SLC9A3: variants seen among roughly 807,000 people sequenced by gnomAD.
The protein encoded by SLC9A3 is sodium/hydrogen exchanger 3.
In SLC9A3, 37 loss-of-function variants were observed where a neutral mutation model predicts 86.8. The ratio of observed to expected loss-of-function variants is 0.43; its 90% confidence interval spans 0.33 to 0.56. The LOEUF (loss-of-function observed/expected upper bound fraction) is 0.56. SLC9A3 is among the 20% of genes least tolerant of loss of function. The probability of loss-of-function intolerance (pLI) is 0.06; values close to 1 mark genes in which losing one functional copy is unlikely to be tolerated. For synonymous variants in SLC9A3, 581 were observed against 528.3 expected (o/e 1.10, Z -1.37); for missense variants, 1,011 against 1,171.9 (o/e 0.86, Z 2.00).
At chr5:488,594 C>T (rs574919778) in intron 2 of SLC9A3, 118 bp from the exon 3 acceptor site, 11 of 1,057,400 alleles carry the variant, frequency 1.0e-5, no homozygotes, top group East Asian at 2.8e-5. Context: ...GCGCCGGTGG[C>T]GTGGGGAGCT....
intron 5 of SLC9A3, among the ~76,000 whole-genome samples, chr5:484,049 TG>T (rs1270190924): frequency 6.6e-6 from 1 of 152,156 alleles, no homozygotes. Flanking sequence ...TCCATGCGGC[TG>T]GCACCTCCCT....
intron 1 of SLC9A3, among the ~76,000 whole-genome samples, chr5:515,837 TCACA>T (rs540468401): frequency 2.3e-4 from 1 of 4,444 alleles, no homozygotes; most frequent in East Asian, 7.1e-3. Flanking sequence ...CCCCTGCCCC[TCACA>T]CACACACACT....
At position 477,370 on chromosome 5, in the gene SLC9A3, T is replaced by C. The variant is rs781020472; in HGVS notation, c.1722A>G (p.Pro574=). The C allele has an allele frequency of 1.2e-6, 2 of 1,612,880 alleles. No individual in the cohort carries two copies. The highest frequency in any genetic ancestry group is 1.7e-6 in the Non-Finnish European group (2 of 1,179,558). The part of the protein sequence containing the change: ...TDNVVNVDFT[P]RSSTVEASVS... Reference sequence around the variant, plus strand: ...CAGAGGCCTCCACGGTGGACGATCGTGGCGTGAAGTCCACGTTGACCACGT... The same window carrying C: ...CAGAGGCCTCCACGGTGGACGATCGCGGCGTGAAGTCCACGTTGACCACGT... The change falls in exon 11 of 17, where the codon CCA becomes CCG. Residue 574 remains proline (P), a synonymous_variant. Transcript: ENST00000264938.
chr5:515,262 C>A (rs890662741), intron 1 of SLC9A3, among the ~76,000 whole-genome samples: 8 of 152,234 alleles, frequency 5.3e-5, no homozygotes, highest in Middle Eastern at 3.4e-3. Flanking sequence ...CAGGATGTGC[C>A]GCTCCCCATT....
At chr5:516,281 C>T (rs981035120) in intron 1 of SLC9A3, among the ~76,000 whole-genome samples, 5 of 151,626 alleles carry the variant, frequency 3.3e-5, no homozygotes, top group African/African-American at 9.7e-5. Flanking sequence ...GCCTACAGGG[C>T]GTGATGGGCA....
At chr5:521,729 G>A (rs1471887263) in intron 1 of SLC9A3, among the ~76,000 whole-genome samples, 1 of 152,228 alleles carries the variant, frequency 6.6e-6, no homozygotes, top group Non-Finnish European at 1.5e-5. Context: ...TGTGGTGCAG[G>A]CTTGGGCCCC....
rs1410511710 is a variant in SLC9A3 at position 524,156 on chromosome 5, T to C, written c.167A>G (p.Tyr56Cys). 1.3e-6 allele frequency: 2 copies of C among 1,545,512 alleles called. No homozygotes were observed. Among genetic ancestry groups the C allele is most frequent in the Admixed American group, 1.9e-5 (1 of 51,506 alleles). Residue 56 changes from tyrosine to cysteine, a missense_variant, in exon 1 of 17, where the codon TAC becomes TGC. Tyr to Cys is a radical substitution (Grantham distance 194). This residue lies in a region of SLC9A3 where 565 missense variants were observed against 790.0 expected (regional missense o/e 0.72). Coordinates refer to ENST00000264938, the MANE Select transcript of SLC9A3 (RefSeq NM_004174.4). The part of the protein sequence containing the change: ...TFEWAHVQDP[Y>C]VIALWILVAS... ...CACGAGGATCCAGAGCGCGATGACG[T>C]AGGGATCCTGCACGTGGGCCCACTC...
intron 1 of SLC9A3, among the ~76,000 whole-genome samples, chr5:511,216 A>C (rs1008762560): frequency 1.3e-5 from 2 of 152,330 alleles, no homozygotes; most frequent in African/African-American, 4.8e-5. Context: ...CTAAATGTAA[A>C]AGACAGAACT....
chr5:523,525 G>A (rs1733944805), intron 1 of SLC9A3, among the ~76,000 whole-genome samples: 1 of 151,618 alleles, frequency 6.6e-6, no homozygotes, highest in African/African-American at 2.4e-5. Context: ...CACCTTGCCA[G>A]GAGCTACCTG....
rs909943455 is a variant in SLC9A3, at chr5:491,185, T to C, written c.514+584A>G. Among the ~76,000 whole-genome samples the C allele has an allele frequency of 6.6e-6, 1 of 152,276 alleles. No individual in the cohort carries two copies. The highest frequency in any genetic ancestry group is 2.1e-4 in the South Asian group (1 of 4,824). ...TCTGCCTGAGGTCCCTGGACCCACC[T>C]GGTCAAAGCTGTAGCATCCCCGGCA... is the stretch of plus-strand genomic sequence containing the variant. On this transcript the variant is annotated intron_variant, in intron 2 of 16. Transcript: ENST00000264938. This position sits in a 1 kb window ranked among gnomAD's most constrained non-coding sequence, Gnocchi z 9.2.
At chr5:475,768 G>C (rs944684657) in intron 14 of SLC9A3, 97 bp from the exon 15 acceptor site, 16 of 767,498 alleles carry the variant, frequency 2.1e-5, no homozygotes, top group Admixed American at 1.1e-4. Flanking sequence ...CAGAGGTGCA[G>C]GCAGTCGGGA....
chr5:524,283 GCAGCCCCCGGTCGGGGCCC>G lies in SLC9A3; in HGVS notation c.21_39del (p.Gly8CysfsTer97). On this transcript the variant is annotated frameshift_variant, in exon 1 of 17. Coordinates refer to ENST00000264938, the MANE Select transcript of SLC9A3 (RefSeq NM_004174.4). LOFTEE classifies it high-confidence loss of function. ...AGCCCGCCCAGCGCCAGCGCCAGCAGCAGCCCCCGGTCGGGGCCCCGGGCCCCGAGTCCCCACATTGCCG... is the reference window on the plus strand; with the variant it reads ...AGCCCGCCCAGCGCCAGCGCCAGCAGCGGGCCCCGAGTCCCCACATTGCCG... 7.5e-7 allele frequency: 1 copy of G among 1,328,884 alleles called. No homozygotes were observed. Among genetic ancestry groups the G allele is most frequent in the Non-Finnish European group, 9.6e-7 (1 of 1,038,070 alleles). The allele number at this position is 1,328,884 out of a possible 1,614,324, so 82.3% of individuals were successfully genotyped here.
At chr5:502,176 C>G (rs78623406) in intron 1 of SLC9A3, among the ~76,000 whole-genome samples, 1 of 152,374 alleles carries the variant, frequency 6.6e-6, no homozygotes, top group Non-Finnish European at 1.5e-5. Flanking sequence ...CCTGAGCAAC[C>G]GCGCTGGGGC....
rs1011174005 is a variant in SLC9A3, at chr5:472,525, G to A, written c.*854C>T. The A allele has an allele frequency of 2.3e-5, 8 of 340,640 alleles. No individual in the cohort carries two copies. Among genetic ancestry groups the A allele is most frequent in the Non-Finnish European group, 4.1e-5 (7 of 171,828 alleles). The allele number at this position is 340,640 out of a possible 1,614,324, so 21.1% of individuals were successfully genotyped here. ...GCCAGGTGCGACAGCTCAGGCCGGA[G>A]ACCTCGTCTGTGGGGACGGGCCGTG... On this transcript the variant is annotated 3_prime_UTR_variant, in exon 17 of 17. Coordinates refer to ENST00000264938, the MANE Select transcript of SLC9A3 (RefSeq NM_004174.4).
chr5:503,882 C>T (rs954470399), intron 1 of SLC9A3, among the ~76,000 whole-genome samples: 53 of 152,338 alleles, frequency 3.5e-4, no homozygotes, highest in African/African-American at 1.2e-3. Flanking sequence ...ATCGTCTGCG[C>T]GAGGCTGGGG....
chr5:498,718 C>G (rs1256510250), intron 1 of SLC9A3, among the ~76,000 whole-genome samples: 7 of 152,246 alleles, frequency 4.6e-5, no homozygotes, highest in Non-Finnish European at 7.3e-5. Context: ...GTCTTCTCCC[C>G]TTGCTTGTGC....
intron 3 of SLC9A3, 131 bp from the exon 4 acceptor site, chr5:485,362 C>T: frequency 1.4e-6 from 1 of 736,122 alleles, no homozygotes; most frequent in Non-Finnish European, 2.4e-6. Flanking sequence ...GGAAAATCAT[C>T]ACAGGGCAAT....
At chr5:481,511 A>C in intron 9 of SLC9A3, 54 bp downstream of exon 9, 2 of 1,406,930 alleles carry the variant, frequency 1.4e-6, no homozygotes, top group South Asian at 2.3e-5. Flanking sequence ...CGAGTGGAGG[A>C]TGTTTCCAGA....
rs751811859 is a variant in SLC9A3 at position 476,218 on chromosome 5, T to C, written c.2051A>G (p.Glu684Gly). ...NKKAAKLYKR[E>G]RAQKRRNSSI... Reference sequence around the variant, plus strand: ...CAGCCTTACCCGCTTCTGGGCACGCTCCCGCTTGTACAGCTTGGCCGCCTT... The same window carrying C: ...CAGCCTTACCCGCTTCTGGGCACGCCCCCGCTTGTACAGCTTGGCCGCCTT... Residue 684 changes from glutamate to glycine, a missense_variant, in exon 13 of 17, where the codon GAG becomes GGG. Coordinates refer to ENST00000264938, the MANE Select transcript of SLC9A3 (RefSeq NM_004174.4). 2 of 1,613,708 alleles carry C rather than the reference T, an allele frequency of 1.2e-6. No homozygotes were observed.
Sources: gnomAD v4.1 joint callset for allele counts (sites outside exome capture counted in the v4.1 genomes callset) on GRCh38, gnomAD v4.1.1 for gene constraint, gnomAD v4.1.1 regional missense constraint, Gnocchi (gnomAD v3.1) non-coding constraint, MANE v1.5 for transcripts, NCBI Gene and HGNC (gene_info 2026-07-23, HGNC 2026-07-21) for gene names.